Variants in KCNK10 observed in about 807,000 individuals in gnomAD.
KCNK10 encodes the protein potassium channel subfamily K member 10.
In KCNK10, 25 loss-of-function variants were observed where a neutral mutation model predicts 47.7. The observed-to-expected ratio is 0.52, with a 90% confidence interval of 0.38 to 0.73. KCNK10 has a LOEUF of 0.73. Ranked by LOEUF, KCNK10 falls within the 30% of genes least tolerant of loss-of-function variation. KCNK10 has a pLI of 0.00. For missense variants in KCNK10, 563 were observed against 714.5 expected, an observed-to-expected ratio of 0.79 and a Z score of 2.42; for synonymous variants, 303 against 285.6, an observed-to-expected ratio of 1.06 and a Z score of -0.61.
At chr14:88,293,798 C>T (rs1307701196) in intron 1 of KCNK10, among the ~76,000 whole-genome samples, 5 of 151,942 alleles carry the variant, frequency 3.3e-5, no homozygotes, top group Non-Finnish European at 5.9e-5. Flanking sequence ...ACCTCAGTCT[C>T]CCAAGCAGCT....
chr14:88,193,803 C>T (rs1160756150), intron 4 of KCNK10, among the ~76,000 whole-genome samples: 1 of 152,288 alleles, frequency 6.6e-6, no homozygotes. Flanking sequence ...TGCTTAACAA[C>T]GGAAACAGCT....
intron 4 of KCNK10, among the ~76,000 whole-genome samples, chr14:88,221,174 T>C (rs1185281603): frequency 2.0e-5 from 3 of 151,658 alleles, no homozygotes; most frequent in Admixed American, 6.6e-5. Context: ...TGGTGGTGCA[T>C]GCCTGTAATC....
At chr14:88,270,861 C>T in intron 1 of KCNK10, 1 of 780,018 alleles carries the variant, frequency 1.3e-6, no homozygotes, top group Non-Finnish European at 2.4e-6. Context: ...GCTAACAATG[C>T]TCTGAAGGCG....
intron 1 of KCNK10, among the ~76,000 whole-genome samples, chr14:88,288,257 G>A (rs1887808977): frequency 6.6e-6 from 1 of 152,150 alleles, no homozygotes; most frequent in Non-Finnish European, 1.5e-5. Flanking sequence ...CCAATTAGCT[G>A]CTTGTCCAAG....
chr14:88,180,595 A>T lies in KCNK10; in HGVS notation c.*4940T>A. 1 of 394,774 alleles carries T rather than the reference A, an allele frequency of 2.5e-6. No individual in the cohort carries two copies. The highest frequency in any genetic ancestry group is 4.5e-6 in the Non-Finnish European group (1 of 224,024). The allele number at this position is 394,774 out of a possible 1,614,324, so 24.5% of individuals were successfully genotyped here. A position where few individuals can be genotyped will look rare whatever the true frequency, so the allele number is the denominator to read the frequency against. On this transcript the variant is annotated 3_prime_UTR_variant, in exon 7 of 7. Coordinates refer to ENST00000319231, the MANE Select transcript of KCNK10 (RefSeq NM_138317.3). ...TTTAATGCACAGGGAACTATTTCAG[A>T]TTTTTCACCTAAGAATCAAGAACAC... is the stretch of plus-strand genomic sequence containing the variant.
chr14:88,282,968 T>C (rs1037540286), intron 1 of KCNK10, among the ~76,000 whole-genome samples: 1 of 152,232 alleles, frequency 6.6e-6, no homozygotes, highest in Non-Finnish European at 1.5e-5. Flanking sequence ...TCTTACAACC[T>C]GCTTCAGCAC....
upstream of KCNK10, among the ~76,000 whole-genome samples, chr14:88,325,211 G>A (rs1000628095): frequency 6.6e-6 from 1 of 152,120 alleles, no homozygotes; most frequent in African/African-American, 2.4e-5. Context: ...TCTAAGAAAG[G>A]CTTTCGAACC....
At chr14:88,201,220 T>C (rs1885090062) in intron 4 of KCNK10, among the ~76,000 whole-genome samples, 1 of 152,238 alleles carries the variant, frequency 6.6e-6, no homozygotes, top group Non-Finnish European at 1.5e-5. Context: ...TTTATACAAA[T>C]GCCTCCAGGA....
chr14:88,226,552 A>G (rs1390531801), intron 4 of KCNK10, among the ~76,000 whole-genome samples: 3 of 152,218 alleles, frequency 2.0e-5, no homozygotes, highest in Non-Finnish European at 2.9e-5. Flanking sequence ...GAATTAGGTC[A>G]GCGGTGAGTA....
chr14:88,195,782 T>C (rs1884892530), intron 4 of KCNK10, among the ~76,000 whole-genome samples: 1 of 152,170 alleles, frequency 6.6e-6, no homozygotes, highest in Non-Finnish European at 1.5e-5. Flanking sequence ...AGATAACGTT[T>C]GCGATGTCAG....
intron 2 of KCNK10, among the ~76,000 whole-genome samples, chr14:88,249,334 T>G (rs376204431): frequency 4.6e-5 from 7 of 152,294 alleles, no homozygotes; most frequent in African/African-American, 1.7e-4. Context: ...GGACATTGGT[T>G]TTAGATCGAA....
At chr14:88,194,873 T>C (rs898502450) in intron 4 of KCNK10, among the ~76,000 whole-genome samples, 2 of 152,110 alleles carry the variant, frequency 1.3e-5, no homozygotes, top group Admixed American at 6.5e-5. Flanking sequence ...TTTAGGGACT[T>C]AAGAAATGCG....
intron 4 of KCNK10, among the ~76,000 whole-genome samples, chr14:88,225,517 G>C (rs55676188): frequency 3.9e-5 from 6 of 152,194 alleles, no homozygotes; most frequent in Non-Finnish European, 7.3e-5. Flanking sequence ...AAATTCATTA[G>C]GGGAGACTAA....
chr14:88,309,496 G>A (rs1380249871), intron 1 of KCNK10, among the ~76,000 whole-genome samples: 2 of 152,214 alleles, frequency 1.3e-5, no homozygotes, highest in Non-Finnish European at 1.5e-5. Flanking sequence ...CAGCTACTCA[G>A]GAGGCTGAGG....
At chr14:88,218,619 C>T (rs1885700133) in intron 4 of KCNK10, among the ~76,000 whole-genome samples, 1 of 150,858 alleles carries the variant, frequency 6.6e-6, no homozygotes, top group African/African-American at 2.4e-5. Context: ...TACCAGAAAG[C>T]CTGCTGATCC....
rs575702950 is a variant in KCNK10 at position 88,253,899 on chromosome 14, G to C, written c.402+9303C>G. On this transcript the variant is annotated intron_variant, in intron 2 of 6. Coordinates refer to ENST00000319231, the MANE Select transcript of KCNK10 (RefSeq NM_138317.3). ...GGCAACAGAGTGAGACGCCATCTTG[G>C]GGGCAGAGAGGGGAAGCCCATAGAC... Among the ~76,000 whole-genome samples the C allele has an allele frequency of 1.4e-3, 219 of 152,246 alleles. 1 individual carries two copies. The highest frequency in any genetic ancestry group is 5.2e-3 in the African/African-American group (216 of 41,550).
intron 4 of KCNK10, among the ~76,000 whole-genome samples, chr14:88,196,094 A>T (rs1016499012): frequency 1.3e-5 from 2 of 152,236 alleles, no homozygotes; most frequent in Non-Finnish European, 2.9e-5. Flanking sequence ...GTGTTTTCAC[A>T]CTTTGTTGAT....
Position 88,184,172 on chromosome 14 carries a change from G to A in KCNK10, c.*1363C>T, listed in dbSNP as rs1364654752. ...CGACTTTCCTCTGCGGGATGTTCTA[G>A]CCTCACAGACCAATCATAATTATGA... On this transcript the variant is annotated 3_prime_UTR_variant, in exon 7 of 7. Coordinates refer to ENST00000319231, the MANE Select transcript of KCNK10 (RefSeq NM_138317.3). 1 of 152,274 alleles carries A rather than the reference G, an allele frequency of 6.6e-6. No individual in the cohort carries two copies. Among genetic ancestry groups the A allele is most frequent in the Non-Finnish European group, 1.5e-5 (1 of 68,050 alleles). The allele number at this position is 152,274 out of a possible 1,614,324, so 9.4% of individuals were successfully genotyped here. A position where few individuals can be genotyped will look rare whatever the true frequency, so the allele number is the denominator to read the frequency against.
chr14:88,260,730 G>A lies in KCNK10; in HGVS notation c.402+2472C>T, dbSNP rs1887085932. Among the ~76,000 whole-genome samples the A allele has an allele frequency of 6.6e-6, 1 of 152,148 alleles. No individual in the cohort carries two copies. On this transcript the variant is annotated intron_variant, in intron 2 of 6. Transcript: ENST00000319231. This position sits in a 1 kb window ranked among gnomAD's most constrained non-coding sequence, Gnocchi z 4.5. Reference sequence around the variant, plus strand: ...TTGATAAGATTAAATGAGATAATGGGTATATGATGCCCAGCTCATAACAGA... The same window carrying A: ...TTGATAAGATTAAATGAGATAATGGATATATGATGCCCAGCTCATAACAGA...
Sources: gnomAD v4.1 joint callset for allele counts (sites outside exome capture counted in the v4.1 genomes callset) on GRCh38, gnomAD v4.1.1 for gene constraint, Gnocchi (gnomAD v3.1) non-coding constraint, MANE v1.5 for transcripts, NCBI Gene and HGNC (gene_info 2026-07-23, HGNC 2026-07-21) for gene names.